STPG2: variants seen among roughly 807,000 people sequenced by gnomAD.
STPG2 encodes sperm tail PG-rich repeat containing 2.
A neutral mutation model predicts 54.2 loss-of-function variants in STPG2; 56 were observed. The ratio of observed to expected loss-of-function variants is 1.03; its 90% CI spans 0.83 to 1.29. The LOEUF is 1.29. STPG2 is among the 50% of genes most tolerant of loss of function. The probability of loss-of-function intolerance (pLI) is 0.00; values close to 1 mark genes in which losing one functional copy is unlikely to be tolerated. For missense variants in STPG2, 596 were observed against 544.9 expected (o/e 1.09, Z -0.93); for synonymous variants, 200 against 181.8 (o/e 1.10, Z -0.81).
At chr4:98,093,099 T>C (rs915909493) in intron 5 of STPG2, among the ~76,000 whole-genome samples, 7 of 152,218 alleles carry the variant, frequency 4.6e-5, no homozygotes, top group African/African-American at 1.7e-4. Flanking sequence ...AGCAACTTCA[T>C]ATATTTTGTA....
chr4:97,755,009 G>A (rs911384190), intron 9 of STPG2, among the ~76,000 whole-genome samples: 8 of 152,136 alleles, frequency 5.3e-5, no homozygotes, highest in East Asian at 1.9e-4. Context: ...TAAGGTTAAC[G>A]AGGTCAAATA....
chr4:97,457,301 A>G (rs1340619882), intron 4 of STPG2, among the ~76,000 whole-genome samples: 3 of 152,250 alleles, frequency 2.0e-5, no homozygotes, highest in Admixed American at 2.0e-4. Flanking sequence ...AAACCTGCAC[A>G]TGAATGCTTA....
chr4:98,051,100 A>G (rs1366897532), intron 5 of STPG2, among the ~76,000 whole-genome samples: 1 of 152,060 alleles, frequency 6.6e-6, no homozygotes, highest in African/African-American at 2.4e-5. Flanking sequence ...AAATCCAAAC[A>G]ATTGCTGAAT....
chr4:97,802,486 T>A (rs1475218173), intron 9 of STPG2, among the ~76,000 whole-genome samples: 5 of 152,052 alleles, frequency 3.3e-5, no homozygotes, highest in Non-Finnish European at 7.4e-5. Flanking sequence ...ATATATATAT[T>A]TTTGGCAGAG....
chr4:97,936,710 C>T (rs1186918697), intron 8 of STPG2, among the ~76,000 whole-genome samples: 2 of 152,210 alleles, frequency 1.3e-5, no homozygotes, highest in African/African-American at 4.8e-5. Flanking sequence ...TTGGCCCCCA[C>T]TCTCTTCTGG....
At chr4:97,886,642 C>T (rs975867912) in intron 8 of STPG2, among the ~76,000 whole-genome samples, 7 of 152,144 alleles carry the variant, frequency 4.6e-5, no homozygotes, top group African/African-American at 1.4e-4. Flanking sequence ...TTTTTCTACT[C>T]TTCACGTCAA....
Position 97,616,057 on chromosome 4 carries a change from A to AATATATATAT in STPG2, c.1321-56950_1321-56941dup, listed in dbSNP as rs70953077. On this transcript the variant is annotated intron_variant, in intron 10 of 10. Coordinates refer to ENST00000295268, the MANE Select transcript of STPG2 (RefSeq NM_174952.3). Reference sequence around the variant, plus strand: ...GTCTCAAAAAAAAAAAATACATATAAATATATATATATATATATATATATA... The same window carrying AATATATATAT: ...GTCTCAAAAAAAAAAAATACATATAAATATATATATATATATATATATATATATATATATA... 9.2e-3 allele frequency among the ~76,000 whole-genome samples: 342 copies of AATATATATAT among 37,302 alleles called. 9 individuals are homozygous for AATATATATAT. Among genetic ancestry groups the AATATATATAT allele is most frequent in the Middle Eastern group, 0.036 (1 of 28 alleles). 24.5% of individuals were successfully genotyped at this position (37,302 alleles called of 152,430 possible).
intron 4 of STPG2, among the ~76,000 whole-genome samples, chr4:97,445,323 C>A (rs1188138930): frequency 6.6e-6 from 1 of 152,042 alleles, no homozygotes; most frequent in African/African-American, 2.4e-5. Context: ...CATTGTTTTT[C>A]TATACAATCT....
chr4:97,938,844 A>G (rs1220398516), intron 8 of STPG2, among the ~76,000 whole-genome samples: 1 of 150,310 alleles, frequency 6.7e-6, no homozygotes, highest in Non-Finnish European at 1.5e-5. Flanking sequence ...TAGGATTCAC[A>G]TGCTGTTTTG....
chr4:97,746,147 T>A (rs986843904), intron 9 of STPG2, among the ~76,000 whole-genome samples: 2 of 151,260 alleles, frequency 1.3e-5, no homozygotes, highest in Non-Finnish European at 3.0e-5. Context: ...AACACACAGA[T>A]TCATAAGAAT....
At chr4:97,511,601 CATG>C (rs1455809005) in intron 4 of STPG2, among the ~76,000 whole-genome samples, 1 of 151,906 alleles carries the variant, frequency 6.6e-6, no homozygotes, top group Non-Finnish European at 1.5e-5. Context: ...AAGATTTAAA[CATG>C]ATTAACCAAC....
intron 10 of STPG2, among the ~76,000 whole-genome samples, chr4:97,622,631 G>C (rs1038214403): frequency 8.6e-5 from 13 of 151,866 alleles, no homozygotes; most frequent in Admixed American, 8.5e-4. Flanking sequence ...ACAAATAAAT[G>C]GAAAAACATT....
chr4:98,028,220 T>A (rs1467762233), intron 5 of STPG2, among the ~76,000 whole-genome samples: 1 of 152,230 alleles, frequency 6.6e-6, no homozygotes, highest in East Asian at 1.9e-4. Flanking sequence ...AATTTGAGTG[T>A]CTTTTTCAAA....
chr4:97,699,449 C>A (rs1204192453), intron 10 of STPG2, among the ~76,000 whole-genome samples: 1 of 152,214 alleles, frequency 6.6e-6, no homozygotes, highest in African/African-American at 2.4e-5. Context: ...AGAGGTCCAT[C>A]CACATACCTC....
At chr4:98,053,051 A>C (rs4699592) in intron 5 of STPG2, among the ~76,000 whole-genome samples, 59,980 of 152,062 alleles carry the variant, frequency 0.39, 12,060 homozygotes, top group Middle Eastern at 0.46. Flanking sequence ...AAACATTAGA[A>C]AACAGTAGTT....
chr4:97,531,894 T>C (rs1731423073), intron 4 of STPG2, among the ~76,000 whole-genome samples: 2 of 152,206 alleles, frequency 1.3e-5, no homozygotes, highest in Admixed American at 1.3e-4. Flanking sequence ...AACAGAAGGA[T>C]AGATGCTTGA....
At chr4:97,797,796 G>C (rs1006808887) in intron 9 of STPG2, among the ~76,000 whole-genome samples, 4 of 152,124 alleles carry the variant, frequency 2.6e-5, no homozygotes, top group African/African-American at 9.7e-5. Flanking sequence ...GGTAGAATTC[G>C]GCTGCGAATC....
At chr4:97,896,483 T>C (rs926634720) in intron 8 of STPG2, among the ~76,000 whole-genome samples, 3 of 151,640 alleles carry the variant, frequency 2.0e-5, no homozygotes, top group African/African-American at 7.3e-5. Flanking sequence ...AAGCACTACA[T>C]AAGTAGGTAA....
intron 4 of STPG2, among the ~76,000 whole-genome samples, chr4:97,540,311 G>C (rs1454045034): frequency 6.6e-6 from 1 of 152,106 alleles, no homozygotes; most frequent in African/African-American, 2.4e-5. Context: ...CGATCCCACA[G>C]ACATACAAAC....
Sources: allele counts gnomAD v4.1 joint callset (sites outside exome capture counted in the v4.1 genomes callset), GRCh38; gene constraint gnomAD v4.1.1; transcripts MANE v1.5; gene names NCBI Gene and HGNC (gene_info 2026-07-23, HGNC 2026-07-21).